SGCZ: variants seen among roughly 807,000 people sequenced by gnomAD.
SGCZ encodes zeta-sarcoglycan.
In SGCZ, 40 loss-of-function variants were observed where a neutral mutation model predicts 41.3. The observed-to-expected ratio is 0.97, with a 90% CI of 0.75 to 1.26. The LOEUF is 1.26. Ranked by LOEUF, SGCZ falls within the 50% of genes most tolerant of loss-of-function variation. The pLI is 0.00. For missense variants in SGCZ, 552 were observed against 369.8 expected (o/e 1.49, Z -4.04); for synonymous variants, 206 against 137.5 (o/e 1.50, Z -3.49).
chr8:14,717,406 T>G (rs117806798), intron 1 of SGCZ, among the ~76,000 whole-genome samples: 2,410 of 152,266 alleles, frequency 0.016, 32 homozygotes, highest in South Asian at 0.066. Context: ...AAATCAACAT[T>G]AAAATATAGA....
chr8:14,101,292 G>T (rs376873925), intron 7 of SGCZ, among the ~76,000 whole-genome samples: 3 of 118,888 alleles, frequency 2.5e-5, no homozygotes, highest in African/African-American at 7.7e-5. Flanking sequence ...GAAGGAGAGG[G>T]TAAGAGATGT....
At chr8:14,762,765 T>G (rs1410102442) in intron 1 of SGCZ, among the ~76,000 whole-genome samples, 1 of 152,228 alleles carries the variant, frequency 6.6e-6, no homozygotes, top group African/African-American at 2.4e-5. Context: ...GATCTTTTTA[T>G]AAATAATGAA....
chr8:14,824,053 T>C (rs140382600), intron 1 of SGCZ, among the ~76,000 whole-genome samples: 5 of 151,900 alleles, frequency 3.3e-5, no homozygotes, highest in African/African-American at 9.7e-5. Context: ...GAGGATATCA[T>C]AGAAGCAAAG....
intron 5 of SGCZ, among the ~76,000 whole-genome samples, chr8:14,131,911 G>A (rs974993509): frequency 2.0e-5 from 3 of 152,082 alleles, no homozygotes; most frequent in Non-Finnish European, 4.4e-5. Context: ...ATTTTATATA[G>A]TCTAGGTGGA....
intron 1 of SGCZ, among the ~76,000 whole-genome samples, chr8:15,204,003 C>A (rs535114436): frequency 9.9e-5 from 15 of 152,190 alleles, no homozygotes; most frequent in African/African-American, 3.6e-4. Flanking sequence ...CATATTATTG[C>A]TTTATCTTTA....
chr8:15,109,374 A>G (rs1806956812), intron 1 of SGCZ, among the ~76,000 whole-genome samples: 1 of 152,178 alleles, frequency 6.6e-6, no homozygotes. Flanking sequence ...AAATTTGAGA[A>G]GGAATGTTGG....
intron 1 of SGCZ, among the ~76,000 whole-genome samples, chr8:14,645,847 A>G (rs1807196056): frequency 6.6e-6 from 1 of 151,836 alleles, no homozygotes; most frequent in South Asian, 2.1e-4. Flanking sequence ...TCTTTGCATT[A>G]TGAAAGCATT....
chr8:14,916,378 T>C (rs560549163), intron 1 of SGCZ, among the ~76,000 whole-genome samples: 65 of 152,108 alleles, frequency 4.3e-4, no homozygotes, highest in Non-Finnish European at 8.4e-4. Flanking sequence ...CAAAGAAATA[T>C]TTACCACATA....
chr8:14,601,397 A>T (rs1266004212), intron 1 of SGCZ, among the ~76,000 whole-genome samples: 1 of 152,198 alleles, frequency 6.6e-6, no homozygotes, highest in African/African-American at 2.4e-5. Flanking sequence ...GTAGGTTTAA[A>T]TGTTATTAAA....
At chr8:14,969,511 C>T (rs1444115043) in intron 1 of SGCZ, among the ~76,000 whole-genome samples, 1 of 152,022 alleles carries the variant, frequency 6.6e-6, no homozygotes, top group Admixed American at 6.6e-5. Flanking sequence ...CTTCTTAACT[C>T]CCCTCTCTTC....
chr8:14,182,331 T>G (rs1804755598), intron 4 of SGCZ, among the ~76,000 whole-genome samples: 1 of 152,142 alleles, frequency 6.6e-6, no homozygotes, highest in Non-Finnish European at 1.5e-5. Context: ...AATCCATACA[T>G]CCTGGAGAGC....
At chr8:14,612,291 G>C (rs1444678679) in intron 1 of SGCZ, among the ~76,000 whole-genome samples, 1 of 152,096 alleles carries the variant, frequency 6.6e-6, no homozygotes, top group East Asian at 1.9e-4. Flanking sequence ...GATAGTGAGT[G>C]AGTTCTCATG....
chr8:14,696,193 A>G (rs934120141), intron 1 of SGCZ, among the ~76,000 whole-genome samples: 1 of 152,182 alleles, frequency 6.6e-6, no homozygotes, highest in Non-Finnish European at 1.5e-5. Context: ...TCAAAAGTGA[A>G]TCAGACATTT....
At chr8:14,748,335 A>G (rs1030441425) in intron 1 of SGCZ, among the ~76,000 whole-genome samples, 1 of 152,190 alleles carries the variant, frequency 6.6e-6, no homozygotes, top group African/African-American at 2.4e-5. Context: ...ATACTATCTC[A>G]AAATTATTTA....
chr8:14,973,225 G>A (rs1169341752), intron 1 of SGCZ, among the ~76,000 whole-genome samples: 1 of 151,920 alleles, frequency 6.6e-6, no homozygotes, highest in Non-Finnish European at 1.5e-5. Flanking sequence ...AAAAACCCAG[G>A]AGCCATCCCT....
intron 1 of SGCZ, among the ~76,000 whole-genome samples, chr8:14,949,072 G>A (rs1800546226): frequency 6.6e-6 from 1 of 151,984 alleles, no homozygotes; most frequent in Non-Finnish European, 1.5e-5. Context: ...CATTTCCACT[G>A]AAACTTACAC....
At chr8:14,658,303 C>T (rs538454524) in intron 1 of SGCZ, among the ~76,000 whole-genome samples, 1 of 152,294 alleles carries the variant, frequency 6.6e-6, no homozygotes, top group Non-Finnish European at 1.5e-5. Context: ...TGGGATATTG[C>T]TTCACCTGGA....
intron 1 of SGCZ, among the ~76,000 whole-genome samples, chr8:14,882,579 G>A (rs1804632492): frequency 6.6e-6 from 1 of 152,122 alleles, no homozygotes; most frequent in Non-Finnish European, 1.5e-5. Context: ...CACTCAGAGT[G>A]CTTAGGTTCT....
intron 7 of SGCZ, among the ~76,000 whole-genome samples, chr8:14,094,036 T>C (rs544040371): frequency 2.0e-5 from 3 of 152,130 alleles, no homozygotes; most frequent in African/African-American, 7.2e-5. Flanking sequence ...TGAACACATC[T>C]CTCCCCTCTA....
Sources: gnomAD v4.1 joint callset for allele counts (sites outside exome capture counted in the v4.1 genomes callset) on GRCh38, gnomAD v4.1.1 for gene constraint, MANE v1.5 for transcripts, NCBI Gene and HGNC (gene_info 2026-07-23, HGNC 2026-07-21) for gene names.